WWOX: variants seen among roughly 807,000 people sequenced by gnomAD.
WWOX encodes the protein WW domain containing oxidoreductase, also known as WW domain-containing oxidoreductase.
Under a neutral mutation model 46.2 loss-of-function variants are expected in WWOX, and 69 were observed. The ratio of observed to expected loss-of-function variants is 1.49; its 90% CI spans 1.23 to 1.82. WWOX has a LOEUF of 1.82. Among genes scored for constraint, WWOX ranks in the 40% most tolerant of loss-of-function variants. The pLI is 0.00. For synonymous variants in WWOX, 359 were observed against 202.6 expected, an observed-to-expected ratio of 1.77 and a Z score of -6.56; for missense variants, 919 against 542.6, an observed-to-expected ratio of 1.69 and a Z score of -6.89.
chr16:79,169,944 C>T (rs1031465768), intron 8 of WWOX, among the ~76,000 whole-genome samples: 1 of 152,204 alleles, frequency 6.6e-6, no homozygotes, highest in African/African-American at 2.4e-5. Context: ...CACAGTGGCT[C>T]AGCAGAACTG....
At chr16:79,091,033 C>A (rs1026327611) in intron 8 of WWOX, among the ~76,000 whole-genome samples, 1 of 152,064 alleles carries the variant, frequency 6.6e-6, no homozygotes, top group African/African-American at 2.4e-5. Context: ...GGTGATCCAC[C>A]CACATCGGCC....
At chr16:79,166,489 G>T (rs541758955) in intron 8 of WWOX, among the ~76,000 whole-genome samples, 1 of 152,008 alleles carries the variant, frequency 6.6e-6, no homozygotes, top group Admixed American at 6.6e-5. Context: ...ATTTTTCAAC[G>T]AGAGTTCAGA....
chr16:78,370,501 T>C (rs12597681), intron 5 of WWOX, among the ~76,000 whole-genome samples: 120,280 of 151,924 alleles, frequency 0.79, 48,721 homozygotes, highest in African/African-American at 0.85. Flanking sequence ...CGATGTTTTT[T>C]TTTTTGATTT....
intron 8 of WWOX, among the ~76,000 whole-genome samples, chr16:79,065,798 G>A (rs1171089179): frequency 6.6e-6 from 1 of 152,182 alleles, no homozygotes; most frequent in African/African-American, 2.4e-5. Flanking sequence ...CCTATGCCCA[G>A]GGATGAGTGA....
rs574376548 is a variant in WWOX, at chr16:78,532,464, T to C, written c.1056+99712T>C. ...TGAAATGCATGAACATGCTTTGTAATTTTTTTTAAGGATTGATACTAGCTA... is the reference window on the plus strand; with the variant it reads ...TGAAATGCATGAACATGCTTTGTAACTTTTTTTAAGGATTGATACTAGCTA... On this transcript the variant is annotated intron_variant, in intron 8 of 8. Transcript: ENST00000566780. Among the ~76,000 whole-genome samples, 17 of 152,142 alleles carry C rather than the reference T, an allele frequency of 1.1e-4. No homozygotes were observed. The East Asian group carries it at 3.1e-3, about 28-fold the overall frequency.
intron 8 of WWOX, among the ~76,000 whole-genome samples, chr16:78,862,254 C>T (rs1307925037): frequency 6.6e-6 from 1 of 150,838 alleles, no homozygotes; most frequent in Non-Finnish European, 1.5e-5. Context: ...ATGGGTGTGT[C>T]TGTCTGTACC....
At chr16:78,912,135 A>T (rs1416472286) in intron 8 of WWOX, among the ~76,000 whole-genome samples, 1 of 151,942 alleles carries the variant, frequency 6.6e-6, no homozygotes, top group East Asian at 1.9e-4. Context: ...CTCATGTATA[A>T]AGTGGAGATG....
chr16:78,595,911 A>C (rs986884546), intron 8 of WWOX, among the ~76,000 whole-genome samples: 16 of 152,240 alleles, frequency 1.1e-4, no homozygotes, highest in Non-Finnish European at 1.8e-4. Flanking sequence ...TAAAATATCA[A>C]TTAAAAATAC....
At position 79,189,564 on chromosome 16, in the gene WWOX, G is replaced by T. The variant is rs372925538; in HGVS notation, c.1057-22044G>T. ...GATCCTCCTACCTTGGCCTCTCAAA[G>T]TGCTAGGATTACCTGCATGAGCCAC... On this transcript the variant is annotated intron_variant, in intron 8 of 8. Coordinates refer to ENST00000566780, the MANE Select transcript of WWOX (RefSeq NM_016373.4). 4.2e-4 allele frequency among the ~76,000 whole-genome samples: 64 copies of T among 152,040 alleles called. No individual in the cohort carries two copies. The South Asian group carries it at 0.011, about 25-fold the overall frequency.
intron 8 of WWOX, among the ~76,000 whole-genome samples, chr16:78,991,711 A>C (rs999536351): frequency 3.3e-5 from 5 of 152,046 alleles, no homozygotes; most frequent in Non-Finnish European, 5.9e-5. Context: ...CGCAAGCCAT[A>C]AGGTTAACCC....
chr16:78,939,063 G>A (rs767745648), intron 8 of WWOX, among the ~76,000 whole-genome samples: 18 of 152,232 alleles, frequency 1.2e-4, no homozygotes, highest in Non-Finnish European at 1.8e-4. Context: ...ATTTCTAAAT[G>A]GAGTGGGTAG....
chr16:78,153,841 A>T (rs11860867), intron 4 of WWOX, among the ~76,000 whole-genome samples: 32,277 of 152,172 alleles, frequency 0.21, 3,680 homozygotes, highest in East Asian at 0.39. Context: ...GGAGAAAATT[A>T]AAAAACTTAA....
chr16:78,625,997 T>G (rs1343380538), intron 8 of WWOX, among the ~76,000 whole-genome samples: 1 of 151,756 alleles, frequency 6.6e-6, no homozygotes, highest in Non-Finnish European at 1.5e-5. Context: ...CTAATATTGT[T>G]ATTACTTTTT....
At chr16:78,874,769 C>G (rs1230639104) in intron 8 of WWOX, among the ~76,000 whole-genome samples, 1 of 139,724 alleles carries the variant, frequency 7.2e-6, no homozygotes, top group Non-Finnish European at 1.5e-5. Context: ...TCAACTGTTC[C>G]AAGCATAACC....
intron 8 of WWOX, among the ~76,000 whole-genome samples, chr16:78,623,654 G>T (rs968755926): frequency 2.6e-5 from 4 of 150,998 alleles, no homozygotes; most frequent in Non-Finnish European, 5.9e-5. Context: ...CATTAACCAA[G>T]TTGTGAAAGG....
chr16:78,852,545 C>A (rs761888751), intron 8 of WWOX, among the ~76,000 whole-genome samples: 1 of 152,100 alleles, frequency 6.6e-6, no homozygotes, highest in Admixed American at 6.5e-5. Context: ...TTTGGATGAC[C>A]ACAGATGAAA....
intron 8 of WWOX, among the ~76,000 whole-genome samples, chr16:78,797,427 G>A (rs1336882608): frequency 6.7e-6 from 1 of 148,482 alleles, no homozygotes; most frequent in African/African-American, 2.5e-5. Context: ...CGAGCTTGTA[G>A]TCATTTCCCC....
intron 8 of WWOX, among the ~76,000 whole-genome samples, chr16:78,659,875 C>T (rs1031206340): frequency 3.3e-5 from 5 of 152,096 alleles, no homozygotes; most frequent in Non-Finnish European, 5.9e-5. Flanking sequence ...GAGCAAAGTC[C>T]GGGTCCCCAG....
intron 8 of WWOX, among the ~76,000 whole-genome samples, chr16:78,903,946 C>T (rs1021326703): frequency 1.8e-4 from 27 of 152,178 alleles, no homozygotes; most frequent in South Asian, 4.2e-4. Flanking sequence ...TCCGGGCCAG[C>T]CACACAGCGA....
Sources: gnomAD v4.1 joint callset for allele counts (sites outside exome capture counted in the v4.1 genomes callset) on GRCh38, gnomAD v4.1.1 for gene constraint, MANE v1.5 for transcripts, NCBI Gene and HGNC (gene_info 2026-07-23, HGNC 2026-07-21) for gene names.